Variants in SMPD1 observed in about 807,000 individuals in gnomAD.
SMPD1 encodes the protein sphingomyelin phosphodiesterase 1, also known as sphingomyelin phosphodiesterase.
SMPD1 carries 47 observed loss-of-function variants against 49.7 expected under a neutral mutation model. The ratio of observed to expected loss-of-function variants is 0.95; its 90% CI spans 0.75 to 1.21. The LOEUF is 1.21. Among genes scored for constraint, SMPD1 ranks in the 50% most tolerant of loss-of-function variants. SMPD1 has a pLI of 0.00. For synonymous variants in SMPD1, 336 were observed against 339.6 expected, an observed-to-expected ratio of 0.99 and a Z score of 0.12; for missense variants, 811 against 822.2, an observed-to-expected ratio of 0.99 and a Z score of 0.17.
rs74053349 is a variant in SMPD1 at position 6,391,624 on chromosome 11, C to A, written c.559C>A (p.Pro187Thr). 25 of 1,482,270 alleles carry A rather than the reference C, an allele frequency of 1.7e-5. No individual in the cohort carries two copies. Among genetic ancestry groups the A allele is most frequent in the South Asian group, 1.3e-4 (11 of 82,268 alleles). The allele number at this position is 1,482,270 out of a possible 1,614,324, so 91.8% of individuals were successfully genotyped here. A position where few individuals can be genotyped will look rare whatever the true frequency, so the allele number is the denominator to read the frequency against. Residue 187 changes from proline (P) to threonine (T), a missense_variant, in exon 2 of 6, where the codon CCC (proline) becomes ACC (threonine). By Grantham distance (38) the Pro-to-Thr change is conservative. Transcript: ENST00000342245. ...NISLPTVPKP[P>T]PKPPSPPAPG... ...CTCTTTGCCTACTGTGCCGAAGCCG[C>A]CCCCCAAACCCCCTAGCCCCCCAGC...
Position 6,393,278 on chromosome 11 carries a change from AT to A in SMPD1, c.1159del (p.Cys387ValfsTer9). ...PGLRLISLNMNFCSRENFWLL... is the reference protein window; with the variant it reads ...PGLRLISLNMXFCSRENFWLL... ...CTCCGCCTCATCTCTCTCAATATGA[AT>A]TTTTGTTCCCGTGAGAACTTCTGGC... On this transcript the variant is annotated frameshift_variant, in exon 3 of 6. Transcript: ENST00000342245. LOFTEE classifies it high-confidence loss of function. The A allele has an allele frequency of 6.2e-7, 1 of 1,613,864 alleles. No homozygotes were observed. Among genetic ancestry groups the A allele is most frequent in the Non-Finnish European group, 8.5e-7 (1 of 1,179,850 alleles).
chr11:6,393,759 G>A, intron 4 of SMPD1, 66 bp downstream of exon 4: 1 of 1,555,114 alleles, frequency 6.4e-7, no homozygotes, highest in Non-Finnish European at 8.9e-7. Context: ...ATTCCCTTGA[G>A]CATCTCACCA....
rs35785620 is a variant in SMPD1, at chr11:6,394,474, C to T, written c.1763C>T (p.Thr588Met). The part of the protein sequence containing the change: ...KGHPPSEPCG[T>M]PCRLATLCAQ... ...CACCCACCCTCGGAGCCCTGTGGCA[C>T]GCCCTGCCGTCTGGCTACTCTTTGT... The change falls in exon 6 of 6, where the codon ACG becomes ATG. Residue 588 changes from threonine to methionine, a missense_variant. Physicochemically the swap from Thr to Met is moderately conservative, Grantham distance 81 (BLOSUM62 -1). Transcript: ENST00000342245. 3,824 of 1,614,028 alleles carry T rather than the reference C, an allele frequency of 2.4e-3. 87 individuals carry two copies. In the African/African-American group the frequency reaches 0.046, roughly 19 times the overall value.
chr11:6,392,335 T>G, intron 2 of SMPD1, 179 bp downstream of exon 2: 1 of 631,708 alleles, frequency 1.6e-6, no homozygotes, highest in Middle Eastern at 4.3e-4. Context: ...CAGGCTTTTT[T>G]TTTTTTTTTT....
Position 6,394,784 on chromosome 11 carries a change from AG to A in SMPD1, c.*182del. ...TGGAGCTGGTTTAGCTGGATATGGG[AG>A]GGGGTTTGGCTGCCTGTGCCCAGGA... On this transcript the variant is annotated 3_prime_UTR_variant, in exon 6 of 6. Coordinates refer to ENST00000342245, the MANE Select transcript of SMPD1 (RefSeq NM_000543.5). 1 of 652,058 alleles carries A rather than the reference AG, an allele frequency of 1.5e-6. No homozygotes were observed. The allele number at this position is 652,058 out of a possible 1,614,324, so 40.4% of individuals were successfully genotyped here. A position where few individuals can be genotyped will look rare whatever the true frequency, so the allele number is the denominator to read the frequency against.
rs1352986086 is a variant in SMPD1 at position 6,391,383 on chromosome 11, G to A, written c.319-1G>A. ...CTCACCATGCGCTCCTCCCACTGCA[G>A]AAGGAACCCAATGTGGCTCGCGTGG... is the stretch of plus-strand genomic sequence containing the variant. On this transcript the variant is annotated splice_acceptor_variant, in intron 1 of 5. Transcript: ENST00000342245. LOFTEE classifies it high-confidence loss of function. The A allele has an allele frequency of 4.3e-6, 7 of 1,612,286 alleles. No homozygotes were observed. The highest frequency in any genetic ancestry group is 5.9e-6 in the Non-Finnish European group (7 of 1,179,946).
In SMPD1 at chr11:6,390,495, G is replaced by A; in HGVS notation, c.-104G>A. ...GAGCAGTCAGCCGACTACAGAGAAG[G>A]GTAATCGGGTGTCCCCGGCGCCGCC... On this transcript the variant is annotated 5_prime_UTR_variant, in exon 1 of 6. Transcript: ENST00000342245. 2.6e-6 allele frequency: 4 copies of A among 1,540,696 alleles called. No individual in the cohort carries two copies. The highest frequency in any genetic ancestry group is 1.7e-6 in the Non-Finnish European group (2 of 1,145,362).
rs759887657 is a variant in SMPD1, at chr11:6,390,811, C to T, written c.213C>T (p.Ala71=). 2 of 1,614,080 alleles carry T rather than the reference C, an allele frequency of 1.2e-6. No individual in the cohort carries two copies. The highest frequency in any genetic ancestry group is 1.7e-6 in the Non-Finnish European group (2 of 1,179,978). The change falls in exon 1 of 6, where the codon GCC becomes GCT. Residue 71 remains alanine, a synonymous_variant. Coordinates refer to ENST00000342245, the MANE Select transcript of SMPD1 (RefSeq NM_000543.5). ...AHPLSPQGHP[A]RLHRIVPRLR... ...CTCTTTCTCCCCAAGGCCATCCTGC[C>T]AGGTTACATCGCATAGTGCCCCGGC...
Position 6,394,013 on chromosome 11 carries a change from T to G in SMPD1, c.1458T>G (p.Ser486Arg), listed in dbSNP as rs281860665. 1 of 1,614,158 alleles carries G rather than the reference T, an allele frequency of 6.2e-7. No individual in the cohort carries two copies. The highest frequency in any genetic ancestry group is 2.2e-5 in the East Asian group (1 of 44,872). ...TGGCTGTAGCCTTCCTGGCACCCAG[T>G]GCAACTACCTACATCGGCCTTAATC... ...RPLAVAFLAP[S>R]ATTYIGLNPG... The change falls in exon 5 of 6, where the codon AGT (serine) becomes AGG (arginine). Residue 486 changes from serine (S) to arginine (R), a missense_variant. Coordinates refer to ENST00000342245, the MANE Select transcript of SMPD1 (RefSeq NM_000543.5).
In SMPD1 at chr11:6,390,701, CTGG is replaced by C. The variant is rs747472271; in HGVS notation, c.106_108del (p.Val36del). 1 of 1,254,568 alleles carries C rather than the reference CTGG, an allele frequency of 8.0e-7. No individual in the cohort carries two copies. Among genetic ancestry groups the C allele is most frequent in the Admixed American group, 2.1e-5 (1 of 47,970 alleles). The allele number at this position is 1,254,568 out of a possible 1,614,324, so 77.7% of individuals were successfully genotyped here. On this transcript the variant is annotated inframe_deletion, in exon 1 of 6. Transcript: ENST00000342245. ...AGCCCCCGGACTCCTTTGGATGGGC[CTGG>C]TGCTGGCGCTGGCGCTGGCGCTGGC...
At chr11:6,394,087 A>G (rs1298554073) in intron 5 of SMPD1, 46 bp downstream of exon 5, 1 of 1,613,846 alleles carries the variant, frequency 6.2e-7, no homozygotes, top group Admixed American at 1.7e-5. Context: ...AGTTGGTGGG[A>G]TAGGGGAAGG....
At chr11:6,393,585 C>G (rs1848039172) in intron 3 of SMPD1, 32 bp from the exon 4 acceptor site, 3 of 1,562,470 alleles carry the variant, frequency 1.9e-6, no homozygotes, top group Non-Finnish European at 2.6e-6. Context: ...CCCCTGGATG[C>G]CCTGATTACC....
chr11:6,392,075 A>G lies in SMPD1; in HGVS notation c.1010A>G (p.Asn337Ser), dbSNP rs761144309. The G allele has an allele frequency of 1.1e-5, 17 of 1,614,080 alleles. No individual in the cohort carries two copies. The Admixed American group carries it at 1.2e-4, about 11-fold the overall frequency. Residue 337 changes from asparagine (N) to serine (S), a missense_variant, in exon 2 of 6, where the codon AAC (asparagine) becomes AGC (serine). Transcript: ENST00000342245. The part of the protein sequence containing the change: ...NSFPPPFIEG[N>S]HSSRWLYEAM... ...TTCCCTCCCCCCTTCATTGAGGGCA[A>G]CCACTCCTCCCGCTGGCTCTATGAA...
rs2134017711 is a variant in SMPD1, at chr11:6,393,340, C to T, written c.1216C>T (p.Gln406Ter). 1 of 1,613,988 alleles carries T rather than the reference C, an allele frequency of 6.2e-7. No individual in the cohort carries two copies. Among genetic ancestry groups the T allele is most frequent in the East Asian group, 2.2e-5 (1 of 44,884 alleles). Residue 406 changes from glutamine (Q) to a stop codon, truncating the protein, a stop_gained, in exon 3 of 6, where the codon CAG (glutamine) becomes TAG (stop). Coordinates refer to ENST00000342245, the MANE Select transcript of SMPD1 (RefSeq NM_000543.5). LOFTEE classifies it high-confidence loss of function. Reference protein sequence around the residue: ...INSTDPAGQLQWLVGELQAAE... With the variant: ...INSTDPAGQL ...CTCCACGGATCCCGCAGGACAGCTC[C>T]AGTGGCTGGTGGGGGAGCTTCAGGC...
rs764126465 is a variant in SMPD1 at position 6,390,648 on chromosome 11, G to C, written c.50G>C (p.Arg17Pro). ...SLRQSCPRSG[R>P]EQGQDGTAGA... ...CGCCAGAGCTGCCCCAGGTCCGGCCGGGAGCAGGGACAAGACGGGACCGCC... is the reference window on the plus strand; with the variant it reads ...CGCCAGAGCTGCCCCAGGTCCGGCCCGGAGCAGGGACAAGACGGGACCGCC... Residue 17 changes from arginine to proline, a missense_variant, in exon 1 of 6, where the codon CGG (arginine) becomes CCG (proline). Arg to Pro is a moderately radical substitution (Grantham distance 103, BLOSUM62 -2). Transcript: ENST00000342245. The C allele has an allele frequency of 1.2e-6, 2 of 1,613,246 alleles. No individual in the cohort carries two copies. Among genetic ancestry groups the C allele is most frequent in the South Asian group, 1.1e-5 (1 of 91,052 alleles).
chr11:6,392,146 C>T lies in SMPD1; in HGVS notation c.1081C>T (p.Arg361Cys), dbSNP rs370198638. ...GCCCTGGCTGCCTGCCGAAGCCCTGCGCACCCTCAGGTACTTATCGTCCGT... is the reference window on the plus strand; with the variant it reads ...GCCCTGGCTGCCTGCCGAAGCCCTGTGCACCCTCAGGTACTTATCGTCCGT... ...WEPWLPAEAL[R>C]TLRIGGFYAL... Residue 361 changes from arginine to cysteine, a missense_variant, in exon 2 of 6, where the codon CGC (arginine) becomes TGC (cysteine). By Grantham distance (180) the Arg-to-Cys change is radical (BLOSUM62 -3). Transcript: ENST00000342245. 7.9e-5 allele frequency: 128 copies of T among 1,613,940 alleles called. No individual in the cohort carries two copies. The highest frequency in any genetic ancestry group is 9.9e-5 in the Non-Finnish European group (117 of 1,180,024).
chr11:6,394,238 C>T lies in SMPD1; in HGVS notation c.1527C>T (p.Ser509=), dbSNP rs944330326. 7 of 1,614,036 alleles carry T rather than the reference C, an allele frequency of 4.3e-6. No individual in the cohort carries two copies. In the East Asian group the frequency reaches 6.7e-5, roughly 15 times the overall value. Residue 509 remains serine, a synonymous_variant, in exon 6 of 6, where the codon AGC becomes AGT. Transcript: ENST00000342245. ...VYQIDGNYSG[S]SHVVLDHETY... ...AAATAGATGGAAACTACTCCGGGAG[C>T]TCTCACGTGGTCCTGGACCATGAGA...
Position 6,394,590 on chromosome 11 carries a change from A to C in SMPD1, c.1879A>C (p.Arg627=), listed in dbSNP as rs1258188145. The C allele has an allele frequency of 1.2e-6, 2 of 1,603,362 alleles. No homozygotes were observed. ...SLPEAQSLWP[R]PLFC Reference sequence around the variant, plus strand: ...CCCAGAGGCCCAGAGCCTGTGGCCAAGGCCACTGTTTTGCTAGGGCCCCAG... The same window carrying C: ...CCCAGAGGCCCAGAGCCTGTGGCCACGGCCACTGTTTTGCTAGGGCCCCAG... Residue 627 remains arginine, a synonymous_variant, in exon 6 of 6, where the codon AGG becomes CGG. Coordinates refer to ENST00000342245, the MANE Select transcript of SMPD1 (RefSeq NM_000543.5).
At position 6,390,622 on chromosome 11, in the gene SMPD1, C is replaced by A; in HGVS notation, c.24C>A (p.Leu8=). The change falls in exon 1 of 6, where the codon CTC becomes CTA. Residue 8 remains leucine, a synonymous_variant. Transcript: ENST00000342245. Reference sequence around the variant, plus strand: ...CAATGCCCCGCTACGGAGCGTCACTCCGCCAGAGCTGCCCCAGGTCCGGCC... The same window carrying A: ...CAATGCCCCGCTACGGAGCGTCACTACGCCAGAGCTGCCCCAGGTCCGGCC... The part of the protein sequence containing the change: MPRYGAS[L]RQSCPRSGRE... 6.2e-7 allele frequency: 1 copy of A among 1,612,866 alleles called. No individual in the cohort carries two copies.
Sources: allele counts gnomAD v4.1 joint callset, GRCh38; gene constraint gnomAD v4.1.1; transcripts MANE v1.5; gene names NCBI Gene and HGNC (gene_info 2026-07-23, HGNC 2026-07-21).